CCDC91: variants seen among roughly 807,000 people sequenced by gnomAD.
CCDC91 encodes coiled-coil domain containing 91, also known as coiled-coil domain-containing protein 91.
In CCDC91, 48 loss-of-function variants were observed where a neutral mutation model predicts 63.2. The observed-to-expected ratio is 0.76, with a 90% CI of 0.60 to 0.97. The LOEUF (loss-of-function observed/expected upper bound fraction) is 0.97. Among genes scored for constraint, CCDC91 ranks in the 50% least tolerant of loss-of-function variants. The probability of loss-of-function intolerance (pLI) is 0.00; values close to 1 mark genes in which losing one functional copy is unlikely to be tolerated. For synonymous variants in CCDC91, 167 were observed against 165.8 expected (o/e 1.01, Z -0.06); for missense variants, 500 against 494.6 (o/e 1.01, Z -0.10).
At chr12:28,319,092 C>T (rs1940210498) in intron 6 of CCDC91, among the ~76,000 whole-genome samples, 1 of 151,716 alleles carries the variant, frequency 6.6e-6, no homozygotes, top group Admixed American at 6.6e-5. Flanking sequence ...TTTTCTGTTC[C>T]AAATGTTTTT....
intron 6 of CCDC91, among the ~76,000 whole-genome samples, chr12:28,347,910 C>T (rs1187400954): frequency 6.6e-6 from 1 of 152,216 alleles, no homozygotes; most frequent in East Asian, 1.9e-4. Context: ...CTAGTGGGGA[C>T]ACTCCTTTAG....
chr12:28,373,492 C>A (rs1944750167), intron 7 of CCDC91, among the ~76,000 whole-genome samples: 1 of 152,078 alleles, frequency 6.6e-6, no homozygotes, highest in Non-Finnish European at 1.5e-5. Context: ...TAGGTGTAGT[C>A]ATTTTTGTTT....
chr12:28,213,488 A>G (rs1413295895), intron 1 of CCDC91, among the ~76,000 whole-genome samples: 1 of 152,228 alleles, frequency 6.6e-6, no homozygotes, highest in East Asian at 1.9e-4. Flanking sequence ...AAATCTATTG[A>G]TATGGGCTCA....
chr12:28,408,207 T>C (rs955006524), intron 8 of CCDC91, among the ~76,000 whole-genome samples: 2 of 152,128 alleles, frequency 1.3e-5, no homozygotes, highest in Non-Finnish European at 2.9e-5. Context: ...ATTGTTCAAC[T>C]CCCATTTATG....
intron 11 of CCDC91, among the ~76,000 whole-genome samples, chr12:28,454,096 C>G (rs1949947593): frequency 1.3e-5 from 2 of 152,070 alleles, no homozygotes; most frequent in African/African-American, 4.8e-5. Context: ...ATATTAATTT[C>G]CTTACAAATG....
chr12:28,446,428 A>G (rs1226748514), intron 8 of CCDC91, among the ~76,000 whole-genome samples: 4 of 152,216 alleles, frequency 2.6e-5, no homozygotes, highest in Non-Finnish European at 4.4e-5. Flanking sequence ...AGGAACAAAT[A>G]AAAAGAAACT....
chr12:28,385,152 A>G (rs1945523300), intron 7 of CCDC91, among the ~76,000 whole-genome samples: 1 of 152,138 alleles, frequency 6.6e-6, no homozygotes, highest in East Asian at 1.9e-4. Flanking sequence ...TTTTTAAACG[A>G]TAGAAAAAAG....
intron 1 of CCDC91, among the ~76,000 whole-genome samples, chr12:28,203,045 A>G (rs1205301872): frequency 6.6e-6 from 1 of 152,204 alleles, no homozygotes; most frequent in African/African-American, 2.4e-5. Context: ...ATTTCTGGGA[A>G]TGGGGTTTTG....
chr12:28,364,943 T>C (rs1944178950), intron 7 of CCDC91, among the ~76,000 whole-genome samples: 1 of 152,194 alleles, frequency 6.6e-6, no homozygotes, highest in South Asian at 2.1e-4. Flanking sequence ...TATCTGATAA[T>C]ATTTCTCCTC....
At chr12:28,454,823 G>C (rs1443255635) in intron 11 of CCDC91, among the ~76,000 whole-genome samples, 1 of 152,024 alleles carries the variant, frequency 6.6e-6, no homozygotes, top group Non-Finnish European at 1.5e-5. Flanking sequence ...TGAGAGTTAG[G>C]TCTTGAGTTT....
intron 3 of CCDC91, among the ~76,000 whole-genome samples, 181 bp from the exon 4 acceptor site, chr12:28,305,468 G>T (rs1938609870): frequency 6.6e-6 from 1 of 152,020 alleles, no homozygotes; most frequent in African/African-American, 2.4e-5. Flanking sequence ...ACTAGTTTTA[G>T]CTTTCACAGA....
chr12:28,393,978 G>GTATC (rs1203884278), intron 8 of CCDC91, among the ~76,000 whole-genome samples: 1 of 152,170 alleles, frequency 6.6e-6, no homozygotes, highest in African/African-American at 2.4e-5. Flanking sequence ...ATTTACAATA[G>GTATC]TATCTACGTT....
chr12:28,475,592 AG>A (rs1951040470), intron 11 of CCDC91, among the ~76,000 whole-genome samples: 1 of 152,008 alleles, frequency 6.6e-6, no homozygotes, highest in Non-Finnish European at 1.5e-5. Context: ...GCAGGAAAAA[AG>A]TTCATTGTAT....
At chr12:28,372,370 G>A (rs571939337) in intron 7 of CCDC91, among the ~76,000 whole-genome samples, 3 of 152,160 alleles carry the variant, frequency 2.0e-5, no homozygotes, top group African/African-American at 7.2e-5. Context: ...GAACAATTAT[G>A]TTGGTATTTT....
In CCDC91 at chr12:28,452,465, A is replaced by G. The variant is rs1949854983; in HGVS notation, c.925-13A>G. The G allele has an allele frequency of 6.6e-7, 1 of 1,518,474 alleles. No individual in the cohort carries two copies. The highest frequency in any genetic ancestry group is 2.1e-5 in the Admixed American group (1 of 47,582). The allele number at this position is 1,518,474 out of a possible 1,614,324, so 94.1% of individuals were successfully genotyped here. On this transcript the variant is annotated splice_polypyrimidine_tract_variant and intron_variant, in intron 10 of 12. Transcript: ENST00000536442. ...GTCTTTCAAATTTGTTCTGGTCTTTATTTATTTTGAAGCTTGAAAAAGAAG... is the reference window on the plus strand; with the variant it reads ...GTCTTTCAAATTTGTTCTGGTCTTTGTTTATTTTGAAGCTTGAAAAAGAAG...
intron 1 of CCDC91, among the ~76,000 whole-genome samples, chr12:28,229,104 A>G (rs1467093847): frequency 6.6e-6 from 1 of 152,018 alleles, no homozygotes; most frequent in Non-Finnish European, 1.5e-5. Context: ...TATATATGTA[A>G]TCAAACTGTA....
At chr12:28,374,318 A>T (rs1225080961) in intron 7 of CCDC91, among the ~76,000 whole-genome samples, 1 of 152,126 alleles carries the variant, frequency 6.6e-6, no homozygotes, top group Non-Finnish European at 1.5e-5. Flanking sequence ...TGTTTACGTC[A>T]TCTGGTCGTA....
chr12:28,412,429 C>T (rs1302750047), intron 8 of CCDC91, among the ~76,000 whole-genome samples: 2 of 152,138 alleles, frequency 1.3e-5, no homozygotes, highest in Non-Finnish European at 2.9e-5. Context: ...AAAAGTAGGA[C>T]ATAGATTTAG....
intron 11 of CCDC91, among the ~76,000 whole-genome samples, chr12:28,456,311 T>G (rs1950056525): frequency 6.6e-6 from 1 of 152,136 alleles, no homozygotes; most frequent in Admixed American, 6.6e-5. Flanking sequence ...CGTGTGGTGC[T>G]GTGGGCTAGG....
Sources: allele counts gnomAD v4.1 joint callset (sites outside exome capture counted in the v4.1 genomes callset), GRCh38; gene constraint gnomAD v4.1.1; transcripts MANE v1.5; gene names NCBI Gene and HGNC (gene_info 2026-07-23, HGNC 2026-07-21).